Variants in CSMD2 observed in about 807,000 individuals in gnomAD.
CSMD2 encodes CUB and Sushi multiple domains 2.
Under a neutral mutation model 398.5 loss-of-function variants are expected in CSMD2, and 130 were observed. That is an observed-to-expected ratio of 0.33 (90% CI 0.28 to 0.38). The LOEUF is 0.38. Ranked by LOEUF, CSMD2 falls within the 10% of genes least tolerant of loss-of-function variation. The pLI, the probability that CSMD2 is intolerant of heterozygous loss-of-function variation, is 1.00. For missense variants in CSMD2, 3,829 were observed against 4,764.9 expected, an observed-to-expected ratio of 0.80 and a Z score of 5.78; for synonymous variants, 1,828 against 1,908.5, an observed-to-expected ratio of 0.96 and a Z score of 1.10.
intron 5 of CSMD2, among the ~76,000 whole-genome samples, chr1:33,861,533 G>A (rs758140441): frequency 5.9e-5 from 9 of 152,186 alleles, no homozygotes; most frequent in Non-Finnish European, 1.3e-4. Flanking sequence ...TACTGTCCTT[G>A]CAGGCATGCT....
rs542378938 is a variant in CSMD2, at chr1:33,624,885, C to T, written c.5500+166G>A. 1.1e-3 allele frequency among the ~76,000 whole-genome samples: 173 copies of T among 152,326 alleles called. No homozygotes were observed. Among genetic ancestry groups the T allele is most frequent in the African/African-American group, 4.0e-3 (168 of 41,576 alleles). ...AGTACACCGGCTGTCTTCACACAGC[C>T]CACAGCGCCGGGGACTGGGGTTGAC... On this transcript the variant is annotated intron_variant, in intron 34 of 70. Transcript: ENST00000373381. The surrounding 1 kb of genome is among the most constrained non-coding windows in gnomAD (Gnocchi z 4.7).
intron 59 of CSMD2, 77 bp from the exon 60 acceptor site, chr1:33,540,775 C>A: frequency 1.3e-6 from 2 of 1,528,476 alleles, no homozygotes; most frequent in South Asian, 1.2e-5. Flanking sequence ...TTGATATCAC[C>A]GACTACCCTG....
At chr1:33,688,337 T>G (rs1248948856) in intron 25 of CSMD2, among the ~76,000 whole-genome samples, 2 of 152,208 alleles carry the variant, frequency 1.3e-5, no homozygotes, top group Non-Finnish European at 2.9e-5. Flanking sequence ...GTGGATGAAC[T>G]TGGTTTAGAA....
intron 1 of CSMD2, among the ~76,000 whole-genome samples, chr1:34,104,983 G>T (rs1564720): frequency 6.6e-6 from 1 of 151,874 alleles, no homozygotes; most frequent in Non-Finnish European, 1.5e-5. Context: ...TCTAACTCAC[G>T]GTCCCAGGCT....
At chr1:33,531,885 A>G (rs1655265578) in intron 64 of CSMD2, among the ~76,000 whole-genome samples, 2 of 152,196 alleles carry the variant, frequency 1.3e-5, no homozygotes, top group African/African-American at 4.8e-5. Flanking sequence ...AATTCTGGAA[A>G]TGGATAGTGG....
At chr1:33,954,847 G>A (rs1268861602) in intron 3 of CSMD2, among the ~76,000 whole-genome samples, 1 of 152,170 alleles carries the variant, frequency 6.6e-6, no homozygotes, top group Admixed American at 6.5e-5. Context: ...AAGGGTCAGA[G>A]TTTCAGCTTG....
intron 10 of CSMD2, among the ~76,000 whole-genome samples, chr1:33,801,948 C>G (rs976462094): frequency 6.6e-6 from 1 of 152,168 alleles, no homozygotes; most frequent in South Asian, 2.1e-4. Context: ...AGAAGTTTAG[C>G]TGGTCAGAAC....
chr1:34,118,517 A>G (rs1166979985), intron 1 of CSMD2, among the ~76,000 whole-genome samples: 1 of 152,246 alleles, frequency 6.6e-6, no homozygotes, highest in East Asian at 1.9e-4. Context: ...CCACACGTAC[A>G]TACAAAACTG....
In CSMD2 at chr1:33,613,239, G is replaced by A. The variant is rs372679145; in HGVS notation, c.6133+1265C>T. On this transcript the variant is annotated intron_variant, in intron 40 of 70. Transcript: ENST00000373381. Reference sequence around the variant, plus strand: ...CTGAATTAGCACCCAGAATTTAGAGGTGAAAATGGTGGCTGAACATAAGGA... The same window carrying A: ...CTGAATTAGCACCCAGAATTTAGAGATGAAAATGGTGGCTGAACATAAGGA... Among the ~76,000 whole-genome samples, 15 of 152,302 alleles carry A rather than the reference G, an allele frequency of 9.8e-5. No homozygotes were observed. The South Asian group carries it at 2.7e-3, about 27-fold the overall frequency.
Position 33,559,231 on chromosome 1 carries a change from T to C in CSMD2, c.8554+69A>G, listed in dbSNP as rs1658326983. Reference sequence around the variant, plus strand: ...GCCAGAATGAATTCACTGGCTTCTTTTTCTGAGCTACAGAACCACATATAG... The same window carrying C: ...GCCAGAATGAATTCACTGGCTTCTTCTTCTGAGCTACAGAACCACATATAG... On this transcript the variant is annotated intron_variant, in intron 54 of 70. Coordinates refer to ENST00000373381, the MANE Select transcript of CSMD2 (RefSeq NM_001281956.2). The surrounding 1 kb of genome is among the most constrained non-coding windows in gnomAD (Gnocchi z 4.0). 7.1e-7 allele frequency: 1 copy of C among 1,408,164 alleles called. No individual in the cohort carries two copies. The highest frequency in any genetic ancestry group is 9.6e-7 in the Non-Finnish European group (1 of 1,046,432). 87.2% of individuals were successfully genotyped at this position (1,408,164 alleles called of 1,614,324 possible). A position where few individuals can be genotyped will look rare whatever the true frequency, so the allele number is the denominator to read the frequency against.
chr1:33,846,343 A>G (rs1275113586), intron 6 of CSMD2, among the ~76,000 whole-genome samples: 1 of 152,242 alleles, frequency 6.6e-6, no homozygotes, highest in African/African-American at 2.4e-5. Flanking sequence ...CATGCTCCCT[A>G]AAGTGATTTT....
intron 1 of CSMD2, among the ~76,000 whole-genome samples, chr1:34,110,281 T>C (rs1660942826): frequency 6.6e-6 from 1 of 152,120 alleles, no homozygotes; most frequent in South Asian, 2.1e-4. Context: ...TAGAAAGCAG[T>C]TTGGTGATTC....
chr1:34,083,748 C>T (rs1657531386), intron 2 of CSMD2, among the ~76,000 whole-genome samples: 1 of 152,050 alleles, frequency 6.6e-6, no homozygotes, highest in Non-Finnish European at 1.5e-5. Context: ...GAAACCCTGT[C>T]TCTACAGAAA....
intron 12 of CSMD2, among the ~76,000 whole-genome samples, chr1:33,777,152 G>C (rs1652099685): frequency 6.6e-6 from 1 of 152,198 alleles, no homozygotes; most frequent in Non-Finnish European, 1.5e-5. Flanking sequence ...GAAGTTCATT[G>C]GGTGTGGGGA....
chr1:33,873,945 A>T (rs1043771495), intron 5 of CSMD2: 1 of 152,108 alleles, frequency 6.6e-6, no homozygotes, highest in Non-Finnish European at 1.5e-5. Context: ...CATCTCTCCT[A>T]CCTTTTAGGT....
At chr1:33,792,317 T>C in intron 11 of CSMD2, 106 bp downstream of exon 11, 1 of 771,306 alleles carries the variant, frequency 1.3e-6, no homozygotes, top group South Asian at 1.5e-5. Flanking sequence ...CAGGATACTG[T>C]CTTTGCTGTA....
Position 34,034,794 on chromosome 1 carries a change from G to A in CSMD2, c.405-2088C>T, listed in dbSNP as rs1348614678. ...CTACATGAAAATTAAAAGCATGTAT[G>A]TGTGACAAAAAACTGTAAAAGATAA... On this transcript the variant is annotated intron_variant, in intron 2 of 70. Coordinates refer to ENST00000373381, the MANE Select transcript of CSMD2 (RefSeq NM_001281956.2). 2.0e-5 allele frequency among the ~76,000 whole-genome samples: 3 copies of A among 152,278 alleles called. No individual in the cohort carries two copies. In the East Asian group the frequency reaches 5.8e-4, roughly 29 times the overall value.
chr1:33,760,255 T>C (rs1569784248), intron 13 of CSMD2, among the ~76,000 whole-genome samples: 1 of 152,324 alleles, frequency 6.6e-6, no homozygotes, highest in Middle Eastern at 3.4e-3. Context: ...TTCATTGAGA[T>C]GTTTAGAGGT....
chr1:33,609,826 T>C, intron 41 of CSMD2, among the ~76,000 whole-genome samples: 1 of 152,170 alleles, frequency 6.6e-6, no homozygotes, highest in East Asian at 1.9e-4. Context: ...GATGGGATTA[T>C]GGGAGGATTT....
Sources: allele counts gnomAD v4.1 joint callset (sites outside exome capture counted in the v4.1 genomes callset), GRCh38; gene constraint gnomAD v4.1.1; non-coding constraint Gnocchi (gnomAD v3.1); transcripts MANE v1.5; gene names NCBI Gene and HGNC (gene_info 2026-07-23, HGNC 2026-07-21).